The following DAAM1 variants were observed in gnomAD, a reference collection of about 807,000 sequenced individuals.
DAAM1 encodes disheveled-associated activator of morphogenesis 1.
Under a neutral mutation model 130.0 loss-of-function variants are expected in DAAM1, and 52 were observed. The ratio of observed to expected loss-of-function variants is 0.40; its 90% CI spans 0.32 to 0.50. DAAM1 has a LOEUF of 0.50. Among genes scored for constraint, DAAM1 ranks in the 20% least tolerant of loss-of-function variants. The pLI is 0.61. For synonymous variants in DAAM1, 452 were observed against 444.5 expected (o/e 1.02, Z -0.21); for missense variants, 1,134 against 1,303.8 (o/e 0.87, Z 2.01).
At chr14:59,282,748 C>T (rs1883280345) in intron 2 of DAAM1, among the ~76,000 whole-genome samples, 1 of 152,062 alleles carries the variant, frequency 6.6e-6, no homozygotes, top group Admixed American at 6.6e-5. Context: ...ATAATATGAC[C>T]TACTTTATAG....
At position 59,368,745 on chromosome 14, in the gene DAAM1, C is replaced by T. The variant is rs760583192; in HGVS notation, c.3093C>T (p.Arg1031=). 47 of 1,613,996 alleles carry T rather than the reference C, an allele frequency of 2.9e-5. No individual in the cohort carries two copies. The highest frequency in any genetic ancestry group is 4.0e-5 in the Non-Finnish European group (47 of 1,179,958). ...GEFDDLVSAL[R]SGEVFDKDLS... ...TTGATGACCTTGTTTCAGCTTTACG[C>T]TCAGGAGAAGTGTTTGACAAAGACC... Residue 1031 remains arginine, a synonymous_variant, in exon 25 of 25, where the codon CGC becomes CGT. Transcript: ENST00000360909.
chr14:59,282,625 G>A (rs1883275830), intron 2 of DAAM1, among the ~76,000 whole-genome samples: 1 of 152,074 alleles, frequency 6.6e-6, no homozygotes, highest in Non-Finnish European at 1.5e-5. Flanking sequence ...GAAGAACATG[G>A]GCTGTGTAAC....
chr14:59,338,425 T>A (rs1023842162), intron 15 of DAAM1: 25 of 1,613,374 alleles, frequency 1.5e-5, no homozygotes, highest in Admixed American at 3.3e-5. Context: ...GTAAGTGAGC[T>A]ACTACCTAAA....
At chr14:59,257,224 T>C (rs1881937624) in intron 1 of DAAM1, among the ~76,000 whole-genome samples, 3 of 152,140 alleles carry the variant, frequency 2.0e-5, no homozygotes, top group Non-Finnish European at 4.4e-5. Flanking sequence ...CAGTCACGTA[T>C]CTCTGACATT....
chr14:59,243,657 C>G (rs535294113), intron 1 of DAAM1, among the ~76,000 whole-genome samples: 2 of 152,336 alleles, frequency 1.3e-5, no homozygotes, highest in South Asian at 4.1e-4. Context: ...TGCACAACAG[C>G]CTGGAGTAAG....
At chr14:59,343,652 T>C (rs1885939907) in intron 16 of DAAM1, among the ~76,000 whole-genome samples, 1 of 152,226 alleles carries the variant, frequency 6.6e-6, no homozygotes, top group Non-Finnish European at 1.5e-5. Context: ...TTAAAGGTCT[T>C]CTTCATATTT....
At chr14:59,307,326 C>T (rs1884413549) in intron 3 of DAAM1, among the ~76,000 whole-genome samples, 1 of 152,186 alleles carries the variant, frequency 6.6e-6, no homozygotes, top group South Asian at 2.1e-4. Flanking sequence ...TAAACTCTTT[C>T]AAACATCATG....
rs573464593 is a variant in DAAM1, at chr14:59,361,275, G to T, written c.2694+413G>T. Among the ~76,000 whole-genome samples, 2 of 152,236 alleles carry T rather than the reference G, an allele frequency of 1.3e-5. 1 individual carries two copies. Among genetic ancestry groups the T allele is most frequent in the South Asian group, 4.1e-4 (2 of 4,822 alleles). On this transcript the variant is annotated intron_variant, in intron 22 of 24. Coordinates refer to ENST00000360909, the MANE Select transcript of DAAM1 (RefSeq NM_001270520.2). ...AGTTGTTTTTGACTTGGTCCTTTGG[G>T]GAGTATTTACTAAGCAGACAGTGTA...
chr14:59,201,643 A>T (rs760517271), intron 1 of DAAM1, among the ~76,000 whole-genome samples: 37 of 152,074 alleles, frequency 2.4e-4, no homozygotes, highest in Non-Finnish European at 4.0e-4. Flanking sequence ...CCCTTCTAAA[A>T]AAAAGTAGCT....
At chr14:59,198,571 AG>A (rs1309990575) in intron 1 of DAAM1, among the ~76,000 whole-genome samples, 1 of 152,136 alleles carries the variant, frequency 6.6e-6, no homozygotes, top group East Asian at 1.9e-4. Context: ...CTGATCCGGA[AG>A]GAGGGGTGGA....
intron 4 of DAAM1, among the ~76,000 whole-genome samples, chr14:59,316,650 A>G (rs1346151522): frequency 1.3e-5 from 2 of 152,250 alleles, no homozygotes; most frequent in African/African-American, 4.8e-5. Context: ...GAATATGCTA[A>G]CAGAATGTGA....
At chr14:59,358,246 C>T (rs1886559512) in intron 20 of DAAM1, among the ~76,000 whole-genome samples, 1 of 152,172 alleles carries the variant, frequency 6.6e-6, no homozygotes, top group Non-Finnish European at 1.5e-5. Flanking sequence ...GCGTAGCAGT[C>T]AGTGACAATG....
At chr14:59,212,584 C>T (rs946583063) in intron 1 of DAAM1, among the ~76,000 whole-genome samples, 3 of 152,330 alleles carry the variant, frequency 2.0e-5, no homozygotes, top group African/African-American at 7.2e-5. Flanking sequence ...ATTCCTTCCA[C>T]TGCCATGCTA....
At chr14:59,302,374 A>G (rs1444751381) in intron 3 of DAAM1, among the ~76,000 whole-genome samples, 2 of 152,172 alleles carry the variant, frequency 1.3e-5, no homozygotes, top group Non-Finnish European at 2.9e-5. Context: ...TGGTTGGACA[A>G]CCCAATTAAT....
chr14:59,367,819 G>A (rs1235941959), intron 24 of DAAM1, among the ~76,000 whole-genome samples: 1 of 151,922 alleles, frequency 6.6e-6, no homozygotes, highest in Non-Finnish European at 1.5e-5. Flanking sequence ...CTTTGCTCTG[G>A]AATTCCATTT....
intron 1 of DAAM1, among the ~76,000 whole-genome samples, chr14:59,251,605 A>C (rs1368725284): frequency 6.6e-6 from 1 of 152,130 alleles, no homozygotes; most frequent in Non-Finnish European, 1.5e-5. Context: ...TGACATACCA[A>C]CTTAATGCCT....
At chr14:59,352,011 G>A (rs1886311837) in intron 17 of DAAM1, among the ~76,000 whole-genome samples, 1 of 152,118 alleles carries the variant, frequency 6.6e-6, no homozygotes, top group Non-Finnish European at 1.5e-5. Context: ...AAAAAAGATT[G>A]AATTAGATAA....
At chr14:59,235,446 A>G (rs1191164062) in intron 1 of DAAM1, among the ~76,000 whole-genome samples, 3 of 152,102 alleles carry the variant, frequency 2.0e-5, no homozygotes, top group African/African-American at 7.2e-5. Context: ...TGTTTATAGT[A>G]TTCTCTAATG....
At chr14:59,341,411 A>T (rs12883464) in intron 16 of DAAM1, among the ~76,000 whole-genome samples, 1 of 152,172 alleles carries the variant, frequency 6.6e-6, no homozygotes, top group Non-Finnish European at 1.5e-5. Context: ...TCCCCCCCTT[A>T]TCCACAGTTT....
Sources: allele counts gnomAD v4.1 joint callset (sites outside exome capture counted in the v4.1 genomes callset), GRCh38; gene constraint gnomAD v4.1.1; transcripts MANE v1.5; gene names NCBI Gene and HGNC (gene_info 2026-07-23, HGNC 2026-07-21).